Variants in CTSO observed in about 807,000 individuals in gnomAD.
The protein encoded by CTSO is cathepsin O.
In CTSO, 40 loss-of-function variants were observed where a neutral mutation model predicts 42.4. The ratio of observed to expected loss-of-function variants is 0.94; its 90% CI spans 0.73 to 1.23. The LOEUF is 1.23. CTSO is among the 50% of genes most tolerant of loss of function. CTSO has a pLI of 0.00. For synonymous variants in CTSO, 156 were observed against 146.2 expected, an observed-to-expected ratio of 1.07 and a Z score of -0.48; for missense variants, 441 against 396.0, an observed-to-expected ratio of 1.11 and a Z score of -0.96.
intron 3 of CTSO, 91 bp from the exon 4 acceptor site, chr4:155,939,629 G>T: frequency 8.3e-7 from 1 of 1,205,396 alleles, no homozygotes. Context: ...AATCAAGTAA[G>T]GCTTCCAGAT....
Position 155,953,705 on chromosome 4 carries a change from C to A in CTSO, c.135+8G>T. ...GGGACAGATCCCGGGGAGGCGCGCG[C>A]TCGGTACCCGGAAGGCGGCGGCTTC... On this transcript the variant is annotated splice_region_variant and intron_variant, in intron 1 of 7. Coordinates refer to ENST00000433477, the MANE Select transcript of CTSO (RefSeq NM_001334.3). The A allele has an allele frequency of 7.9e-7, 1 of 1,263,436 alleles. No individual in the cohort carries two copies. The highest frequency in any genetic ancestry group is 1.0e-6 in the Non-Finnish European group (1 of 1,004,718). The allele number at this position is 1,263,436 out of a possible 1,614,324, so 78.3% of individuals were successfully genotyped here.
intron 4 of CTSO, among the ~76,000 whole-genome samples, chr4:155,938,762 TA>T (rs941871123): frequency 2.0e-5 from 3 of 151,488 alleles, no homozygotes; most frequent in African/African-American, 7.3e-5. Context: ...ATGTCTTTAC[TA>T]AAAAAACAAA....
Position 155,925,301 on chromosome 4 carries a change from G to A in CTSO, c.*735C>T, listed in dbSNP as rs542997453. The A allele has an allele frequency of 6.6e-6, 1 of 152,192 alleles. No individual in the cohort carries two copies. The highest frequency in any genetic ancestry group is 1.9e-4 in the East Asian group (1 of 5,182). The allele number at this position is 152,192 out of a possible 1,614,324, so 9.4% of individuals were successfully genotyped here. A position where few individuals can be genotyped will look rare whatever the true frequency, so the allele number is the denominator to read the frequency against. ...CTATAGTATAAAAAGAACAAAGTAA[G>A]CAATATGATCTATTGGATTCCTATT... is the stretch of plus-strand genomic sequence containing the variant. On this transcript the variant is annotated 3_prime_UTR_variant, in exon 8 of 8. Coordinates refer to ENST00000433477, the MANE Select transcript of CTSO (RefSeq NM_001334.3).
intron 1 of CTSO, among the ~76,000 whole-genome samples, chr4:155,950,042 G>A (rs544501589): frequency 6.6e-6 from 1 of 152,174 alleles, no homozygotes; most frequent in Non-Finnish European, 1.5e-5. Context: ...CTTTTGAAAA[G>A]TTTCTTAGAC....
intron 3 of CTSO, 75 bp from the exon 4 acceptor site, chr4:155,939,613 T>A: frequency 7.4e-7 from 1 of 1,344,446 alleles, no homozygotes; most frequent in Non-Finnish European, 1.0e-6. Context: ...ATGTAACAAG[T>A]TATCAAATCA....
At chr4:155,950,311 A>G (rs2110939087) in intron 1 of CTSO, among the ~76,000 whole-genome samples, 1 of 152,346 alleles carries the variant, frequency 6.6e-6, no homozygotes, top group African/African-American at 2.4e-5. Context: ...TTTTTTGTGT[A>G]CATTTCTTAC....
chr4:155,943,038 A>G lies in CTSO; in HGVS notation c.244+118T>C. 1.4e-5 allele frequency: 9 copies of G among 656,122 alleles called. No individual in the cohort carries two copies. The South Asian group carries it at 2.1e-4, about 15-fold the overall frequency. 40.6% of individuals were successfully genotyped at this position (656,122 alleles called of 1,614,324 possible). ...ATGGTACATGCCTGACATTTAGTAGACACTTAATAAATGTTAACTATTACT... is the reference window on the plus strand; with the variant it reads ...ATGGTACATGCCTGACATTTAGTAGGCACTTAATAAATGTTAACTATTACT... On this transcript the variant is annotated intron_variant, in intron 2 of 7. Transcript: ENST00000433477.
At chr4:155,949,843 T>C (rs554212563) in intron 1 of CTSO, among the ~76,000 whole-genome samples, 11 of 152,200 alleles carry the variant, frequency 7.2e-5, no homozygotes, top group Non-Finnish European at 1.6e-4. Flanking sequence ...CTGGGGATTG[T>C]CATACTGGTG....
chr4:155,943,802 G>A (rs946383121), intron 1 of CTSO, among the ~76,000 whole-genome samples: 5 of 152,290 alleles, frequency 3.3e-5, no homozygotes, highest in Non-Finnish European at 7.4e-5. Flanking sequence ...AAGGCTCTGT[G>A]ACAGATGCAA....
intron 5 of CTSO, among the ~76,000 whole-genome samples, chr4:155,932,413 A>G (rs183456116): frequency 2.0e-4 from 30 of 152,258 alleles, no homozygotes; most frequent in Non-Finnish European, 3.4e-4. Context: ...TGGAAATAAT[A>G]TTATTGAAGT....
At position 155,937,398 on chromosome 4, in the gene CTSO, C is replaced by T; in HGVS notation, c.638G>A (p.Gly213Glu). The change falls in exon 5 of 8, where the codon GGA (glycine) becomes GAA (glutamate). Residue 213 changes from glycine to glutamate, a missense_variant. Transcript: ENST00000433477. ...TGCAGAATAACCTTTGATTGAAAAT[C>T]CAGAATGTGAACCAGAAAAGTAATG... The part of the protein sequence containing the change: ...LCHYFSGSHS[G>E]FSIKGYSAYD... 1 of 1,611,542 alleles carries T rather than the reference C, an allele frequency of 6.2e-7. No homozygotes were observed. The highest frequency in any genetic ancestry group is 1.1e-5 in the South Asian group (1 of 91,010).
intron 1 of CTSO, among the ~76,000 whole-genome samples, chr4:155,947,173 G>A (rs1401642403): frequency 1.3e-5 from 2 of 152,054 alleles, no homozygotes; most frequent in African/African-American, 2.4e-5. Context: ...TTTTAACTTT[G>A]CAACAATTTG....
At chr4:155,947,952 A>C (rs976800148) in intron 1 of CTSO, among the ~76,000 whole-genome samples, 2 of 152,250 alleles carry the variant, frequency 1.3e-5, no homozygotes, top group East Asian at 3.8e-4. Flanking sequence ...CTTCTCATTG[A>C]TACTTTTGAA....
Position 155,953,734 on chromosome 4 carries a change from C to A in CTSO, c.114G>T (p.Glu38Asp). 1 of 1,272,826 alleles carries A rather than the reference C, an allele frequency of 7.9e-7. No homozygotes were observed. Among genetic ancestry groups the A allele is most frequent in the Non-Finnish European group, 9.9e-7 (1 of 1,010,594 alleles). 78.8% of individuals were successfully genotyped at this position (1,272,826 alleles called of 1,614,324 possible). The change falls in exon 1 of 8, where the codon GAG becomes GAT. Residue 38 changes from glutamate to aspartate, a missense_variant. Coordinates refer to ENST00000433477, the MANE Select transcript of CTSO (RefSeq NM_001334.3). ...GTACCCGGAAGGCGGCGGCTTCACG[C>A]TCGCGGCTCCGCGGCCAGGTCGGGG... ...PFTPTWPRSR[E>D]REAAAFRESL...
chr4:155,931,631 AT>A (rs1242333276), intron 5 of CTSO, among the ~76,000 whole-genome samples: 2 of 152,106 alleles, frequency 1.3e-5, no homozygotes, highest in Non-Finnish European at 2.9e-5. Flanking sequence ...TCCAGACAGC[AT>A]TTTAATTTCC....
Position 155,953,728 on chromosome 4 carries a change from T to C in CTSO, c.120A>G (p.Glu40=). 1.6e-6 allele frequency: 2 copies of C among 1,271,638 alleles called. No homozygotes were observed. Among genetic ancestry groups the C allele is most frequent in the Non-Finnish European group, 9.9e-7 (1 of 1,009,950 alleles). The allele number at this position is 1,271,638 out of a possible 1,614,324, so 78.8% of individuals were successfully genotyped here. A position where few individuals can be genotyped will look rare whatever the true frequency, so the allele number is the denominator to read the frequency against. The change falls in exon 1 of 8, where the codon GAA becomes GAG. Residue 40 remains glutamate (E), a synonymous_variant. Coordinates refer to ENST00000433477, the MANE Select transcript of CTSO (RefSeq NM_001334.3). ...CGCTCGGTACCCGGAAGGCGGCGGC[T>C]TCACGCTCGCGGCTCCGCGGCCAGG... is the stretch of plus-strand genomic sequence containing the variant. ...TPTWPRSRER[E]AAAFRESLNR... is the part of the protein sequence containing the mutation.
chr4:155,946,941 C>T lies in CTSO; in HGVS notation c.136-3677G>A, dbSNP rs1321354236. ...CGTGATCTCAGCTCACTGCAAGCTC[C>T]GCCTCCCGGGTTCACCCCATTCTCC... is the stretch of plus-strand genomic sequence containing the variant. On this transcript the variant is annotated intron_variant, in intron 1 of 7. Coordinates refer to ENST00000433477, the MANE Select transcript of CTSO (RefSeq NM_001334.3). 2.0e-5 allele frequency among the ~76,000 whole-genome samples: 3 copies of T among 152,134 alleles called. No homozygotes were observed. In the East Asian group the frequency reaches 5.8e-4, roughly 29 times the overall value.
At chr4:155,938,890 G>C (rs1226116327) in intron 4 of CTSO, among the ~76,000 whole-genome samples, 1 of 152,154 alleles carries the variant, frequency 6.6e-6, no homozygotes, top group Non-Finnish European at 1.5e-5. Context: ...CCGGGAGGTG[G>C]AGGTTGCAGT....
At chr4:155,926,445 T>C (rs1416771204) in intron 7 of CTSO, among the ~76,000 whole-genome samples, 1 of 152,186 alleles carries the variant, frequency 6.6e-6, no homozygotes, top group African/African-American at 2.4e-5. Context: ...TAACTCAAAT[T>C]CTAAAATTTG....
Sources: allele counts gnomAD v4.1 joint callset (sites outside exome capture counted in the v4.1 genomes callset), GRCh38; gene constraint gnomAD v4.1.1; transcripts MANE v1.5; gene names NCBI Gene and HGNC (gene_info 2026-07-23, HGNC 2026-07-21).